Variants in PCDHA2 observed in about 807,000 individuals in gnomAD.
PCDHA2 encodes the protein protocadherin alpha 2, also known as protocadherin alpha-2.
Under a neutral mutation model 66.0 loss-of-function variants are expected in PCDHA2, and 58 were observed. The ratio of observed to expected loss-of-function variants is 0.88; its 90% CI spans 0.71 to 1.09. PCDHA2 has a LOEUF of 1.09. Ranked by LOEUF, PCDHA2 falls within the 50% of genes least tolerant of loss-of-function variation. The pLI, the probability that PCDHA2 is intolerant of heterozygous loss-of-function variation, is 0.00. For missense variants in PCDHA2, 1,267 were observed against 1,242.3 expected (o/e 1.02, Z -0.30); for synonymous variants, 634 against 554.0 (o/e 1.14, Z -2.03).
intron 1 of PCDHA2, among the ~76,000 whole-genome samples, chr5:140,937,697 G>A (rs2091687536): frequency 6.6e-6 from 1 of 151,910 alleles, no homozygotes; most frequent in Non-Finnish European, 1.5e-5. Flanking sequence ...CGGATCACGA[G>A]GTCAGGAGAT....
rs868991744 is a variant in PCDHA2, at chr5:140,897,794, G to C, written c.2389-81155G>C. ...CTTCCACAATGGTTGAACTAGTTTA[G>C]AGTCCCACCAACAGTGTAAAAGTGT... On this transcript the variant is annotated intron_variant, in intron 1 of 3. Coordinates refer to ENST00000526136, the MANE Select transcript of PCDHA2 (RefSeq NM_018905.3). 7.2e-4 allele frequency among the ~76,000 whole-genome samples: 109 copies of C among 152,066 alleles called. No homozygotes were observed. The South Asian group carries it at 0.011, about 15-fold the overall frequency.
At chr5:140,978,726 T>C (rs1453953300) in intron 1 of PCDHA2, among the ~76,000 whole-genome samples, 2 of 152,250 alleles carry the variant, frequency 1.3e-5, no homozygotes, top group African/African-American at 4.8e-5. Flanking sequence ...TTATTAAATC[T>C]GGTCTTCCAG....
At chr5:140,858,263 T>A (rs781901851) in intron 1 of PCDHA2, 1 of 1,596,360 alleles carries the variant, frequency 6.3e-7, no homozygotes, top group Non-Finnish European at 8.6e-7. Flanking sequence ...CACGCTGGTG[T>A]GCTCTAGCGC....
At chr5:140,908,668 A>C (rs2074091776) in intron 1 of PCDHA2, among the ~76,000 whole-genome samples, 1 of 152,194 alleles carries the variant, frequency 6.6e-6, no homozygotes, top group Non-Finnish European at 1.5e-5. Flanking sequence ...AAAGGCTCCA[A>C]ATAGCATCCC....
Position 140,882,649 on chromosome 5 carries a change from C to T in PCDHA2, c.2388+85297C>T, listed in dbSNP as rs559940161. On this transcript the variant is annotated intron_variant, in intron 1 of 3. Transcript: ENST00000526136. ...TGGAGGTGAAGGTGAGGGACATTAA[C>T]GACAACCCGCCCATATTCCCTGAAA... The T allele has an allele frequency of 6.2e-6, 10 of 1,614,214 alleles. No individual in the cohort carries two copies. In the African/African-American group the frequency reaches 1.1e-4, roughly 17 times the overall value.
intron 1 of PCDHA2, chr5:140,803,228 G>T (rs781909871): frequency 6.2e-7 from 1 of 1,613,858 alleles, no homozygotes; most frequent in Non-Finnish European, 8.5e-7. Context: ...AGGCACCCAA[G>T]GCCTCGTCCC....
intron 1 of PCDHA2, among the ~76,000 whole-genome samples, chr5:140,948,620 T>TTAA (rs1422284059): frequency 6.6e-6 from 1 of 151,716 alleles, no homozygotes; most frequent in African/African-American, 2.4e-5. Context: ...CACAAAGTTG[T>TTAA]TAATAATATT....
rs782228183 is a variant in PCDHA2 at position 140,796,756 on chromosome 5, G to T, written c.1792G>T (p.Asp598Tyr). Residue 598 changes from aspartate (D) to tyrosine (Y), a missense_variant, in exon 1 of 4, where the codon GAC becomes TAC. By Grantham distance (160) the Asp-to-Tyr change is radical. Transcript: ENST00000526136. ...CGTGGTGGCGAAGGTGCGCGCAGTG[G>T]ACGCTGACTCAGGCTACAACGCGTG... is the stretch of plus-strand genomic sequence containing the variant. Reference protein sequence around the residue: ...GHVVAKVRAVDADSGYNAWLS... With the variant: ...GHVVAKVRAVYADSGYNAWLS... 3.1e-6 allele frequency: 5 copies of T among 1,614,034 alleles called. No homozygotes were observed. The highest frequency in any genetic ancestry group is 4.2e-6 in the Non-Finnish European group (5 of 1,179,982).
intron 3 of PCDHA2, among the ~76,000 whole-genome samples, chr5:141,006,560 C>G (rs1179730864): frequency 2.0e-5 from 3 of 152,084 alleles, no homozygotes; most frequent in Non-Finnish European, 4.4e-5. Flanking sequence ...AAAGATGACT[C>G]TGGCTACTGT....
intron 1 of PCDHA2, chr5:140,856,680 T>C: frequency 6.3e-7 from 1 of 1,596,810 alleles, no homozygotes. Context: ...AAGTTGTTGT[T>C]GACAGCAACT....
intron 1 of PCDHA2, chr5:140,860,306 G>T (rs991442000): frequency 6.6e-6 from 1 of 152,016 alleles, no homozygotes; most frequent in Non-Finnish European, 1.5e-5. Context: ...GCTTGAGCCT[G>T]GGAAGTTGAG....
At chr5:140,902,905 G>A (rs933013740) in intron 1 of PCDHA2, among the ~76,000 whole-genome samples, 3 of 152,174 alleles carry the variant, frequency 2.0e-5, no homozygotes, top group Admixed American at 6.5e-5. Flanking sequence ...TTTAGTTTAT[G>A]GCTGAGTAGT....
intron 1 of PCDHA2, among the ~76,000 whole-genome samples, chr5:140,960,717 T>TATTTTAGTCCATG (rs1244851083): frequency 3.3e-5 from 1 of 30,264 alleles, no homozygotes; most frequent in Non-Finnish European, 6.2e-5. Flanking sequence ...ATACTCATCT[T>TATTTTAGTCCATG]ATTTTAGTCC....
At chr5:140,831,833 A>G (rs2150197532) in intron 1 of PCDHA2, among the ~76,000 whole-genome samples, 10 of 152,180 alleles carry the variant, frequency 6.6e-5, no homozygotes, top group Non-Finnish European at 7.3e-5. Context: ...ACTAGTTTCA[A>G]TGATAGAATT....
chr5:140,996,301 AC>A (rs1306218777), intron 3 of PCDHA2, among the ~76,000 whole-genome samples: 1 of 152,240 alleles, frequency 6.6e-6, no homozygotes, highest in African/African-American at 2.4e-5. Context: ...ACAGATTGTA[AC>A]AAAGTAAGGG....
intron 1 of PCDHA2, among the ~76,000 whole-genome samples, chr5:140,965,496 AT>A (rs71766133): frequency 0.14 from 20,233 of 145,920 alleles, 1,374 homozygotes; most frequent in Middle Eastern, 0.21. Flanking sequence ...ATGACAGCAG[AT>A]TTTTTTTTTT....
chr5:140,903,958 T>G (rs960235173), intron 1 of PCDHA2, among the ~76,000 whole-genome samples: 1 of 152,236 alleles, frequency 6.6e-6, no homozygotes, highest in Non-Finnish European at 1.5e-5. Context: ...GAAAATTATT[T>G]GTTGATTTTT....
chr5:140,807,977 C>T, intron 1 of PCDHA2: 2 of 1,613,728 alleles, frequency 1.2e-6, no homozygotes, highest in Middle Eastern at 1.6e-4. Flanking sequence ...GGTAATTAAA[C>T]TTAACGCCTC....
At chr5:140,850,229 C>A (rs2150474580) in intron 1 of PCDHA2, 3 of 1,593,694 alleles carry the variant, frequency 1.9e-6, no homozygotes, top group African/African-American at 2.7e-5. Flanking sequence ...GCGCAGTGAG[C>A]GAGATGGTGC....
Sources: allele counts gnomAD v4.1 joint callset (sites outside exome capture counted in the v4.1 genomes callset), GRCh38; gene constraint gnomAD v4.1.1; transcripts MANE v1.5; gene names NCBI Gene and HGNC (gene_info 2026-07-23, HGNC 2026-07-21).